The following ADGRL3 variants were observed in gnomAD, a reference collection of about 807,000 sequenced individuals.
ADGRL3 encodes adhesion G protein-coupled receptor L3.
Under a neutral mutation model 153.5 loss-of-function variants are expected in ADGRL3, and 62 were observed. The observed-to-expected ratio is 0.40, with a 90% CI of 0.33 to 0.50. The LOEUF (loss-of-function observed/expected upper bound fraction) is 0.50, where lower values mean the gene tolerates loss of function less well. Ranked by LOEUF, ADGRL3 falls within the 20% of genes least tolerant of loss-of-function variation. The probability of loss-of-function intolerance (pLI) is 0.47; values close to 1 mark genes in which losing one functional copy is unlikely to be tolerated. For missense variants in ADGRL3, 1,641 were observed against 1,859.4 expected (o/e 0.88, Z 2.16); for synonymous variants, 710 against 672.5 (o/e 1.06, Z -0.86).
intron 2 of ADGRL3, among the ~76,000 whole-genome samples, chr4:61,453,856 A>C (rs558835864): frequency 6.6e-6 from 1 of 152,220 alleles, no homozygotes; most frequent in African/African-American, 2.4e-5. Context: ...TAATTTTAGA[A>C]ACATTATAAT....
At chr4:61,871,137 G>T (rs545545757) in intron 9 of ADGRL3, among the ~76,000 whole-genome samples, 1 of 152,102 alleles carries the variant, frequency 6.6e-6, no homozygotes, top group Non-Finnish European at 1.5e-5. Context: ...AATTAGCCAG[G>T]TGTGGTGGCG....
At chr4:61,473,209 TTGTGTGTGTGTGTGTG>T (rs35633555) in intron 2 of ADGRL3, among the ~76,000 whole-genome samples, 15 of 149,228 alleles carry the variant, frequency 1.0e-4, no homozygotes, top group Non-Finnish European at 1.5e-4. Context: ...TTGTATGTGT[TTGTGTGTGTGTGTGTG>T]TGTGTGTGTG....
At chr4:61,972,002 T>C (rs1380383026) in intron 17 of ADGRL3, among the ~76,000 whole-genome samples, 1 of 151,896 alleles carries the variant, frequency 6.6e-6, no homozygotes, top group African/African-American at 2.4e-5. Flanking sequence ...TTTGATGGGG[T>C]TGTTTGTTTT....
At chr4:61,564,025 T>TAAAA (rs1357877179) in intron 4 of ADGRL3, among the ~76,000 whole-genome samples, 1 of 151,920 alleles carries the variant, frequency 6.6e-6, no homozygotes, top group African/African-American at 2.4e-5. Flanking sequence ...AATAAATAAA[T>TAAAA]AAAAATACAA....
intron 3 of ADGRL3, among the ~76,000 whole-genome samples, chr4:61,506,138 T>C (rs1460430970): frequency 1.3e-5 from 2 of 152,106 alleles, no homozygotes; most frequent in African/African-American, 2.4e-5. Context: ...AGAGTTTAAA[T>C]CACAGTTTAT....
intron 9 of ADGRL3, among the ~76,000 whole-genome samples, chr4:61,818,934 A>G (rs1238320552): frequency 6.6e-6 from 1 of 152,178 alleles, no homozygotes; most frequent in Non-Finnish European, 1.5e-5. Flanking sequence ...TACCAAAATA[A>G]CAATGCAAAA....
chr4:61,291,344 A>G (rs963227937), intron 1 of ADGRL3, among the ~76,000 whole-genome samples: 1 of 151,908 alleles, frequency 6.6e-6, no homozygotes, highest in African/African-American at 2.4e-5. Flanking sequence ...ACAAATATAA[A>G]ACAATACAGT....
At chr4:61,211,618 C>G (rs1363924744) in intron 1 of ADGRL3, 1 of 152,134 alleles carries the variant, frequency 6.6e-6, no homozygotes, top group Non-Finnish European at 1.5e-5. Flanking sequence ...TGGGTTTACC[C>G]TTTTCCTGTA....
At chr4:61,626,466 C>T (rs1057415527) in intron 5 of ADGRL3, among the ~76,000 whole-genome samples, 1 of 151,928 alleles carries the variant, frequency 6.6e-6, no homozygotes, top group South Asian at 2.1e-4. Context: ...CCTATTAGTA[C>T]TGTCTACCCT....
intron 1 of ADGRL3, among the ~76,000 whole-genome samples, chr4:61,328,038 T>G (rs1221475347): frequency 6.6e-6 from 1 of 152,108 alleles, no homozygotes; most frequent in East Asian, 1.9e-4. Flanking sequence ...GGAGGATTTT[T>G]TTTTCTGACT....
At chr4:61,941,507 G>A (rs368130234) in intron 15 of ADGRL3, among the ~76,000 whole-genome samples, 1 of 21,898 alleles carries the variant, frequency 4.6e-5, no homozygotes, top group African/African-American at 2.1e-4. Context: ...CATTGAATCT[G>A]TAAATTACCT....
chr4:61,807,628 G>A (rs1022120780), intron 8 of ADGRL3, among the ~76,000 whole-genome samples: 1 of 152,076 alleles, frequency 6.6e-6, no homozygotes, highest in Non-Finnish European at 1.5e-5. Flanking sequence ...CAGATTAGTT[G>A]ATTTCTTCCT....
At chr4:61,977,580 G>T (rs935918494) in intron 17 of ADGRL3, among the ~76,000 whole-genome samples, 1 of 152,114 alleles carries the variant, frequency 6.6e-6, no homozygotes, top group Non-Finnish European at 1.5e-5. Context: ...TTTCAAAACT[G>T]CTTCATTGAC....
chr4:61,631,106 C>G (rs964152559), intron 5 of ADGRL3, among the ~76,000 whole-genome samples: 1 of 152,052 alleles, frequency 6.6e-6, no homozygotes, highest in Admixed American at 6.6e-5. Flanking sequence ...CTTTTGTACT[C>G]TTTTACAATA....
intron 19 of ADGRL3, among the ~76,000 whole-genome samples, chr4:61,986,123 T>G (rs1314333450): frequency 6.6e-6 from 1 of 152,068 alleles, no homozygotes; most frequent in Non-Finnish European, 1.5e-5. Context: ...TTTAGAATAT[T>G]TTCATCGAAA....
At chr4:62,019,844 CTTT>C (rs1041291294) in intron 21 of ADGRL3, among the ~76,000 whole-genome samples, 4 of 152,048 alleles carry the variant, frequency 2.6e-5, no homozygotes, top group African/African-American at 9.7e-5. Context: ...TAATTTATAA[CTTT>C]TTAAGAACTA....
chr4:61,392,708 A>AAAAAGG (rs2096826824), intron 2 of ADGRL3, among the ~76,000 whole-genome samples: 2 of 92,740 alleles, frequency 2.2e-5, no homozygotes, highest in Admixed American at 1.7e-4. Flanking sequence ...AAAAAAAAAG[A>AAAAAGG]AAAAGGAAAA....
chr4:61,884,554 A>T (rs771092789), intron 9 of ADGRL3, among the ~76,000 whole-genome samples: 12 of 152,140 alleles, frequency 7.9e-5, no homozygotes, highest in Non-Finnish European at 1.6e-4. Context: ...AACAAAAATA[A>T]ATTAGCTCTA....
chr4:61,422,682 C>A (rs760396963), intron 2 of ADGRL3, among the ~76,000 whole-genome samples: 1 of 151,966 alleles, frequency 6.6e-6, no homozygotes, highest in African/African-American at 2.4e-5. Context: ...GTTAGTAACA[C>A]CCTGCTTGGG....
Sources: gnomAD v4.1 joint callset for allele counts (sites outside exome capture counted in the v4.1 genomes callset) on GRCh38, gnomAD v4.1.1 for gene constraint, MANE v1.5 for transcripts, NCBI Gene and HGNC (gene_info 2026-07-23, HGNC 2026-07-21) for gene names.